PIK3C2G: variants seen among roughly 807,000 people sequenced by gnomAD.
PIK3C2G encodes the protein phosphatidylinositol 3-kinase C2 domain-containing subunit gamma.
PIK3C2G carries 168 observed loss-of-function variants against 181.1 expected under a neutral mutation model. That is an observed-to-expected ratio of 0.93 (90% CI 0.82 to 1.05). PIK3C2G has a LOEUF of 1.05. Among genes scored for constraint, PIK3C2G ranks in the 50% least tolerant of loss-of-function variants. The probability of loss-of-function intolerance (pLI) is 0.00; values close to 1 mark genes in which losing one functional copy is unlikely to be tolerated. For missense variants in PIK3C2G, 1,869 were observed against 1,732.8 expected, an observed-to-expected ratio of 1.08 and a Z score of -1.40; for synonymous variants, 573 against 592.2, an observed-to-expected ratio of 0.97 and a Z score of 0.47.
chr12:18,332,213 C>T (rs965131101), intron 8 of PIK3C2G, among the ~76,000 whole-genome samples: 2 of 152,092 alleles, frequency 1.3e-5, no homozygotes, highest in African/African-American at 2.4e-5. Flanking sequence ...ACATTTCCCT[C>T]CCTGTAGGAT....
intron 2 of PIK3C2G, among the ~76,000 whole-genome samples, chr12:18,283,853 GT>G (rs1949327531): frequency 6.6e-6 from 1 of 152,098 alleles, no homozygotes; most frequent in Admixed American, 6.6e-5. Flanking sequence ...GTGATTGAAG[GT>G]GTTGAATAGG....
chr12:18,602,368 G>T lies in PIK3C2G; in HGVS notation c.4088-7167G>T, dbSNP rs533249605. On this transcript the variant is annotated intron_variant, in intron 30 of 32. Transcript: ENST00000538779. ...CTCACGCCCACCCCCCACAGCAGTCGCAGCAAGACCAGCCCAAGGAGAGTC... is the reference window on the plus strand; with the variant it reads ...CTCACGCCCACCCCCCACAGCAGTCTCAGCAAGACCAGCCCAAGGAGAGTC... 4.0e-5 allele frequency among the ~76,000 whole-genome samples: 6 copies of T among 149,856 alleles called. 1 individual carries two copies. The highest frequency in any genetic ancestry group is 1.5e-5 in the Non-Finnish European group (1 of 67,646).
intron 18 of PIK3C2G, among the ~76,000 whole-genome samples, chr12:18,487,096 T>TTTTGTGTG (rs71440368): frequency 2.1e-5 from 3 of 142,106 alleles, no homozygotes; most frequent in Admixed American, 7.1e-5. Context: ...TTGAGGTATT[T>TTTTGTGTG]TGTGTGTGTG....
intron 1 of PIK3C2G, among the ~76,000 whole-genome samples, chr12:18,272,355 A>C (rs1445183331): frequency 6.6e-6 from 1 of 152,094 alleles, no homozygotes; most frequent in East Asian, 1.9e-4. Flanking sequence ...AATTTTTGGC[A>C]AGACTTCTTC....
chr12:18,586,069 A>C (rs1592649738), intron 29 of PIK3C2G, among the ~76,000 whole-genome samples: 1 of 152,326 alleles, frequency 6.6e-6, no homozygotes, highest in East Asian at 1.9e-4. Context: ...GGACATTTAT[A>C]GCTCTAAACA....
At chr12:18,502,704 T>TA (rs912569918) in intron 22 of PIK3C2G, among the ~76,000 whole-genome samples, 9 of 152,022 alleles carry the variant, frequency 5.9e-5, no homozygotes, top group Middle Eastern at 3.2e-3. Context: ...ATGCTCCCTT[T>TA]AAAAAAAATT....
At chr12:18,700,512 C>CAAAGAAAAAAA in the PIK3C2G span, among the ~76,000 whole-genome samples, 1 of 67,896 alleles carries the variant, frequency 1.5e-5, no homozygotes, top group Non-Finnish European at 2.5e-5. Context: ...AGCCAACGTA[C>CAAAGAAAAAAA]AAAAAAAAAA....
chr12:18,309,217 A>G (rs10770354), intron 5 of PIK3C2G, among the ~76,000 whole-genome samples: 81,883 of 151,458 alleles, frequency 0.54, 22,411 homozygotes, highest in East Asian at 0.74. Flanking sequence ...TTTTTTACCC[A>G]TGCAAGATTT....
intron 24 of PIK3C2G, among the ~76,000 whole-genome samples, chr12:18,532,836 C>G (rs1261643570): frequency 6.6e-6 from 1 of 150,790 alleles, no homozygotes; most frequent in African/African-American, 2.4e-5. Flanking sequence ...ACAGTGTCTT[C>G]CCTGATATTT....
intron 24 of PIK3C2G, among the ~76,000 whole-genome samples, chr12:18,519,491 G>T (rs1194644082): frequency 1.3e-5 from 2 of 151,874 alleles, no homozygotes; most frequent in Non-Finnish European, 2.9e-5. Context: ...TGTCTTTTTT[G>T]ATCTTTGTTG....
At chr12:18,590,121 T>G (rs967725423) in intron 29 of PIK3C2G, among the ~76,000 whole-genome samples, 4 of 151,792 alleles carry the variant, frequency 2.6e-5, no homozygotes, top group Non-Finnish European at 5.9e-5. Context: ...TTCAGAGTTT[T>G]TTTTTTTTTT....
chr12:18,539,191 G>T (rs1944020698), intron 25 of PIK3C2G, among the ~76,000 whole-genome samples: 1 of 151,850 alleles, frequency 6.6e-6, no homozygotes, highest in Admixed American at 6.6e-5. Flanking sequence ...CATTTTACTG[G>T]CTACATTCTT....
intron 24 of PIK3C2G, among the ~76,000 whole-genome samples, chr12:18,526,057 G>T (rs1430487462): frequency 2.0e-5 from 3 of 151,952 alleles, no homozygotes; most frequent in East Asian, 3.9e-4. Context: ...AATTACCACT[G>T]ATTTTTTTAA....
chr12:18,346,624 T>C lies in PIK3C2G; in HGVS notation c.1430-17T>C. ...TGGCCCTTCTTAGTGACTTGATCTC[T>C]ATCTCTTCCTTTCTAGGCTTGATAG... On this transcript the variant is annotated splice_polypyrimidine_tract_variant and intron_variant, in intron 10 of 32. Transcript: ENST00000538779. The C allele has an allele frequency of 6.5e-7, 1 of 1,546,168 alleles. No homozygotes were observed. The highest frequency in any genetic ancestry group is 8.9e-7 in the Non-Finnish European group (1 of 1,128,004).
the PIK3C2G span, among the ~76,000 whole-genome samples, chr12:18,672,096 C>T: frequency 6.6e-6 from 1 of 152,156 alleles, no homozygotes; most frequent in African/African-American, 2.4e-5. Context: ...CACAAACATT[C>T]AGATCATAGC....
chr12:18,447,365 T>C (rs1947084964), intron 18 of PIK3C2G, among the ~76,000 whole-genome samples: 2 of 152,194 alleles, frequency 1.3e-5, no homozygotes, highest in Non-Finnish European at 2.9e-5. Context: ...TCAGTGGTTA[T>C]CTTGTGACAG....
At chr12:18,413,810 T>C (rs527829564) in intron 16 of PIK3C2G, among the ~76,000 whole-genome samples, 87 of 152,272 alleles carry the variant, frequency 5.7e-4, no homozygotes, top group Non-Finnish European at 1.0e-3. Flanking sequence ...TAACCTGGCT[T>C]GTGGAAAATT....
chr12:18,287,999 T>C (rs1157397747), intron 3 of PIK3C2G, among the ~76,000 whole-genome samples: 1 of 151,956 alleles, frequency 6.6e-6, no homozygotes, highest in Non-Finnish European at 1.5e-5. Context: ...TCGTCTCTAC[T>C]AAACATACAA....
intron 18 of PIK3C2G, among the ~76,000 whole-genome samples, chr12:18,426,900 C>T (rs1209404778): frequency 6.6e-6 from 1 of 152,146 alleles, no homozygotes; most frequent in East Asian, 1.9e-4. Flanking sequence ...ACATAAGATA[C>T]ATTGACTGGC....
Sources: gnomAD v4.1 joint callset for allele counts (sites outside exome capture counted in the v4.1 genomes callset) on GRCh38, gnomAD v4.1.1 for gene constraint, MANE v1.5 for transcripts, NCBI Gene and HGNC (gene_info 2026-07-23, HGNC 2026-07-21) for gene names.